The following MAN1A2 variants were observed in gnomAD, a reference collection of about 807,000 sequenced individuals.
MAN1A2 encodes mannosyl-oligosaccharide 1,2-alpha-mannosidase IB.
MAN1A2 carries 26 observed loss-of-function variants against 75.7 expected under a neutral mutation model. The observed-to-expected ratio is 0.34, with a 90% CI of 0.25 to 0.48. MAN1A2 has a LOEUF of 0.48. Among genes scored for constraint, MAN1A2 ranks in the 20% least tolerant of loss-of-function variants. The probability of loss-of-function intolerance (pLI) is 0.99; values close to 1 mark genes in which losing one functional copy is unlikely to be tolerated. For synonymous variants in MAN1A2, 247 were observed against 264.6 expected (o/e 0.93, Z 0.65); for missense variants, 562 against 775.5 (o/e 0.72, Z 3.27).
At chr1:117,489,933 T>A (rs1650828126) in intron 8 of MAN1A2, among the ~76,000 whole-genome samples, 1 of 151,688 alleles carries the variant, frequency 6.6e-6, no homozygotes, top group East Asian at 1.9e-4. Context: ...TTATAAGAAA[T>A]GTACTTTTTT....
intron 11 of MAN1A2, among the ~76,000 whole-genome samples, chr1:117,501,708 C>A (rs1257212318): frequency 6.6e-6 from 1 of 151,664 alleles, no homozygotes; most frequent in Non-Finnish European, 1.5e-5. Context: ...TAGTTATAAT[C>A]AAAATGGAGC....
At chr1:117,478,941 A>G (rs1183956034) in intron 8 of MAN1A2, among the ~76,000 whole-genome samples, 1 of 151,148 alleles carries the variant, frequency 6.6e-6, no homozygotes, top group Non-Finnish European at 1.5e-5. Flanking sequence ...CTTTTATTTT[A>G]AATTCTGGGC....
At chr1:117,399,561 AC>A (rs576580382) in intron 1 of MAN1A2, among the ~76,000 whole-genome samples, 156 of 152,236 alleles carry the variant, frequency 1.0e-3, no homozygotes, top group African/African-American at 3.8e-3. Context: ...ATGTCAGAAT[AC>A]CCATTGATAG....
chr1:117,482,621 T>G (rs546263439), intron 8 of MAN1A2, among the ~76,000 whole-genome samples: 24 of 152,042 alleles, frequency 1.6e-4, no homozygotes, highest in African/African-American at 4.8e-4. Context: ...TTTCAGTTAT[T>G]TGTAGATTCT....
chr1:117,421,606 G>A (rs1312906058), intron 5 of MAN1A2, among the ~76,000 whole-genome samples: 1 of 151,488 alleles, frequency 6.6e-6, no homozygotes, highest in Non-Finnish European at 1.5e-5. Flanking sequence ...TGTGTAAAGA[G>A]TGAGCTATTT....
rs139033284 is a variant in MAN1A2, at chr1:117,460,504, C to T, written c.966C>T (p.Asn322=). The T allele has an allele frequency of 8.1e-6, 13 of 1,611,986 alleles. No individual in the cohort carries two copies. The African/African-American group carries it at 1.7e-4, about 22-fold the overall frequency. ...MVNLKSGVGR[N]WGWASAGSSI... ...TTTCATTCAGTGGAGTAGGGCGAAACTGGGGCTGGGCATCTGCAGGTAGCA... is the reference window on the plus strand; with the variant it reads ...TTTCATTCAGTGGAGTAGGGCGAAATTGGGGCTGGGCATCTGCAGGTAGCA... The change falls in exon 7 of 13, where the codon AAC becomes AAT. Residue 322 remains asparagine (N), a synonymous_variant. Coordinates refer to ENST00000356554, the MANE Select transcript of MAN1A2 (RefSeq NM_006699.5).
chr1:117,409,398 C>A (rs560108785), intron 3 of MAN1A2, among the ~76,000 whole-genome samples: 58 of 147,570 alleles, frequency 3.9e-4, no homozygotes, highest in African/African-American at 1.4e-3. Context: ...TTACAGATTT[C>A]TCGTTTTAAT....
Position 117,385,765 on chromosome 1 carries a change from C to T in MAN1A2, c.303-16421C>T, listed in dbSNP as rs75013378. ...ATTGGAAGGATGTTAGACTGTAACA[C>T]ATGCAGAAAAGGTATTTATTGGAAG... On this transcript the variant is annotated intron_variant, in intron 1 of 12. Transcript: ENST00000356554. Among the ~76,000 whole-genome samples the T allele has an allele frequency of 3.3e-3, 506 of 152,284 alleles. 4 individuals are homozygous for T. The highest frequency in any genetic ancestry group is 0.011 in the African/African-American group (477 of 41,552).
intron 11 of MAN1A2, among the ~76,000 whole-genome samples, chr1:117,502,336 A>G (rs1294869276): frequency 6.6e-6 from 1 of 151,742 alleles, no homozygotes; most frequent in Admixed American, 6.6e-5. Flanking sequence ...TGTAATGGCT[A>G]ACTCATAGGA....
chr1:117,469,130 G>A (rs1402465947), intron 8 of MAN1A2, among the ~76,000 whole-genome samples: 4 of 151,940 alleles, frequency 2.6e-5, no homozygotes, highest in East Asian at 3.9e-4. Context: ...CCGAGATTGT[G>A]CCACTGCACT....
chr1:117,455,400 T>C (rs1361835667), intron 6 of MAN1A2, among the ~76,000 whole-genome samples: 1 of 152,104 alleles, frequency 6.6e-6, no homozygotes. Context: ...TTTGGAAGGA[T>C]TGACTTGGTT....
rs1192558100 is a variant in MAN1A2 at position 117,454,225 on chromosome 1, C to G, written c.951-6264C>G. On this transcript the variant is annotated intron_variant, in intron 6 of 12. Transcript: ENST00000356554. ...AGGCCCATAATATCTCTGAGATATG[C>G]CTGTTTTTAAAGAAGTAATGTCTAG... 3.3e-5 allele frequency among the ~76,000 whole-genome samples: 5 copies of G among 152,002 alleles called. No individual in the cohort carries two copies. In the South Asian group the frequency reaches 1.0e-3, roughly 32 times the overall value.
rs1323926086 is a variant in MAN1A2, at chr1:117,407,562, A to G, written c.655+1917A>G. Among the ~76,000 whole-genome samples the G allele has an allele frequency of 2.0e-5, 3 of 151,762 alleles. No homozygotes were observed. The East Asian group carries it at 5.8e-4, about 29-fold the overall frequency. ...TTTAGGGAAAACATTAACTTAAAAC[A>G]CTCTTTTTGTTAGCCTTGATTATTA... is the stretch of plus-strand genomic sequence containing the variant. On this transcript the variant is annotated intron_variant, in intron 3 of 12. Coordinates refer to ENST00000356554, the MANE Select transcript of MAN1A2 (RefSeq NM_006699.5).
intron 6 of MAN1A2, among the ~76,000 whole-genome samples, chr1:117,442,552 A>C (rs1267076103): frequency 6.6e-6 from 1 of 152,130 alleles, no homozygotes; most frequent in African/African-American, 2.4e-5. Flanking sequence ...ACTTGATTGC[A>C]GTTTTTACTA....
chr1:117,489,302 A>G (rs1445833930), intron 8 of MAN1A2, among the ~76,000 whole-genome samples: 1 of 152,078 alleles, frequency 6.6e-6, no homozygotes, highest in Non-Finnish European at 1.5e-5. Flanking sequence ...GCTTCTGCAA[A>G]ATTGTCCTTC....
intron 1 of MAN1A2, among the ~76,000 whole-genome samples, chr1:117,369,840 C>T (rs1233885091): frequency 6.6e-6 from 1 of 152,062 alleles, no homozygotes; most frequent in Non-Finnish European, 1.5e-5. Context: ...AATCTTATTT[C>T]GCATGGTATT....
At chr1:117,386,055 G>C (rs1653515214) in intron 1 of MAN1A2, among the ~76,000 whole-genome samples, 1 of 152,202 alleles carries the variant, frequency 6.6e-6, no homozygotes, top group African/African-American at 2.4e-5. Flanking sequence ...CTTGCTGCTA[G>C]ATGTTAGGAA....
intron 1 of MAN1A2, among the ~76,000 whole-genome samples, chr1:117,376,124 A>G (rs1489478874): frequency 6.6e-6 from 1 of 152,028 alleles, no homozygotes; most frequent in Non-Finnish European, 1.5e-5. Flanking sequence ...GTTAGCCAGG[A>G]TGGTCTCGAT....
intron 1 of MAN1A2, among the ~76,000 whole-genome samples, chr1:117,384,659 TG>T (rs1653461588): frequency 6.6e-6 from 1 of 152,164 alleles, no homozygotes; most frequent in Non-Finnish European, 1.5e-5. Flanking sequence ...TTATTGAAAA[TG>T]GGGGTATTGA....
Sources: gnomAD v4.1 joint callset for allele counts (sites outside exome capture counted in the v4.1 genomes callset) on GRCh38, gnomAD v4.1.1 for gene constraint, MANE v1.5 for transcripts, NCBI Gene and HGNC (gene_info 2026-07-23, HGNC 2026-07-21) for gene names.